The following SEC31B variants were observed in gnomAD, a reference collection of about 807,000 sequenced individuals.
The protein encoded by SEC31B is SEC31 homolog B, COPII component.
A neutral mutation model predicts 135.0 loss-of-function variants in SEC31B; 113 were observed. The ratio of observed to expected loss-of-function variants is 0.84; its 90% confidence interval spans 0.72 to 0.98. The LOEUF is 0.98. Ranked by LOEUF, SEC31B falls within the 50% of genes least tolerant of loss-of-function variation. SEC31B has a pLI of 0.00. For synonymous variants in SEC31B, 508 were observed against 549.4 expected (o/e 0.92, Z 1.05); for missense variants, 1,296 against 1,421.1 (o/e 0.91, Z 1.42).
intron 23 of SEC31B, 45 bp from the exon 24 acceptor site, chr10:100,489,019 C>A: frequency 6.4e-7 from 1 of 1,561,994 alleles, no homozygotes; most frequent in East Asian, 2.3e-5. Flanking sequence ...GGCAAGCTGT[C>A]CTTCTCATGG....
At chr10:100,502,895 A>G (rs148040779) in intron 10 of SEC31B, among the ~76,000 whole-genome samples, 32 of 152,276 alleles carry the variant, frequency 2.1e-4, no homozygotes, top group Non-Finnish European at 4.0e-4. Context: ...CAGTACCCCC[A>G]GATTACTAAA....
At position 100,496,434 on chromosome 10, in the gene SEC31B, G is replaced by A. The variant is rs757171324; in HGVS notation, c.2137-3C>T. 3 of 1,614,056 alleles carry A rather than the reference G, an allele frequency of 1.9e-6. No individual in the cohort carries two copies. The highest frequency in any genetic ancestry group is 2.2e-5 in the East Asian group (1 of 44,874). ...ACCATCACCTTCTCCATCAGGTCCT[G>A]TAAGGGCAAGGATGAGGGTGGTAAG... On this transcript the variant is annotated splice_polypyrimidine_tract_variant and splice_region_variant and intron_variant, in intron 17 of 25. Transcript: ENST00000370345.
chr10:100,515,413 T>C (rs1223112953), intron 3 of SEC31B, among the ~76,000 whole-genome samples: 2 of 152,232 alleles, frequency 1.3e-5, no homozygotes, highest in Admixed American at 6.5e-5. Flanking sequence ...TTGCTTCAGA[T>C]TGTAAGCCTC....
At chr10:100,507,357 T>G in intron 7 of SEC31B, 68 bp downstream of exon 7, 5 of 1,593,098 alleles carry the variant, frequency 3.1e-6, no homozygotes, top group Admixed American at 3.3e-5. Context: ...GAGGGATACA[T>G]TGCCTCCTAC....
At chr10:100,496,875 T>C (rs900749621) in intron 17 of SEC31B, among the ~76,000 whole-genome samples, 10 of 152,184 alleles carry the variant, frequency 6.6e-5, no homozygotes, top group Non-Finnish European at 1.2e-4. Context: ...AAGCCACAAT[T>C]ACTCAAGTAC....
chr10:100,499,666 G>A (rs1022841342), intron 11 of SEC31B, 68 bp from the exon 12 acceptor site: 3 of 1,199,502 alleles, frequency 2.5e-6, no homozygotes, highest in African/African-American at 1.5e-5. Flanking sequence ...CCTACAACAA[G>A]CTGGGTATCT....
chr10:100,505,989 C>G, intron 9 of SEC31B, 51 bp downstream of exon 9: 2 of 1,609,010 alleles, frequency 1.2e-6, no homozygotes, highest in Non-Finnish European at 1.7e-6. Context: ...CTCTCTCCCA[C>G]AAACAGAGAC....
At position 100,487,581 on chromosome 10, in the gene SEC31B, C is replaced by G. The variant is rs1207114459; in HGVS notation, c.*35G>C. ...TCTGCAGGGAGGAGTTATGTAACAG[C>G]AGAAGTGGCCTCCTAGCAAGAGAGG... On this transcript the variant is annotated 3_prime_UTR_variant, in exon 26 of 26. Transcript: ENST00000370345. The G allele has an allele frequency of 1.3e-6, 2 of 1,586,950 alleles. No homozygotes were observed. The highest frequency in any genetic ancestry group is 2.7e-5 in the African/African-American group (2 of 74,472).
chr10:100,487,623 A>G lies in SEC31B; in HGVS notation c.3533T>C (p.Leu1178Pro), dbSNP rs1459071086. The G allele has an allele frequency of 6.2e-7, 1 of 1,612,494 alleles. No individual in the cohort carries two copies. The highest frequency in any genetic ancestry group is 8.5e-7 in the Non-Finnish European group (1 of 1,179,436). Residue 1178 changes from leucine (L) to proline (P), a missense_variant, in exon 26 of 26, where the codon CTG becomes CCG. Coordinates refer to ENST00000370345, the MANE Select transcript of SEC31B (RefSeq NM_015490.4). Reference sequence around the variant, plus strand: ...CAAGAGAGGCTGCCTGGTTTAGACCAGCAGCTTATGAGCGATGATGAGGAC... The same window carrying G: ...CAAGAGAGGCTGCCTGGTTTAGACCGGCAGCTTATGAGCGATGATGAGGAC... ...KAVLIIAHKL[L>P]V
intron 3 of SEC31B, 60 bp downstream of exon 3, chr10:100,516,036 T>C: frequency 6.3e-7 from 1 of 1,581,104 alleles, no homozygotes; most frequent in Middle Eastern, 1.7e-4. Flanking sequence ...AAACACACAC[T>C]GCTCCCAGGA....
At chr10:100,499,034 G>A in intron 13 of SEC31B, 126 bp downstream of exon 13, 1 of 780,244 alleles carries the variant, frequency 1.3e-6, no homozygotes, top group South Asian at 1.6e-5. Context: ...AGAGTGAGGA[G>A]TCTGAAGACT....
At position 100,507,288 on chromosome 10, in the gene SEC31B, G is replaced by GTGAC. The variant is rs955585622; in HGVS notation, c.782+133_782+136dup. ...TGGTTAAGGCTGGAGTAGGTATTGG[G>GTGAC]TGACTATATGTTGACCGGAATGGCT... On this transcript the variant is annotated intron_variant, in intron 7 of 25. Transcript: ENST00000370345. The GTGAC allele has an allele frequency of 2.3e-5, 24 of 1,045,996 alleles. No homozygotes were observed. The African/African-American group carries it at 2.5e-4, about 11-fold the overall frequency. The allele number at this position is 1,045,996 out of a possible 1,614,324, so 64.8% of individuals were successfully genotyped here. A position where few individuals can be genotyped will look rare whatever the true frequency, so the allele number is the denominator to read the frequency against.
At chr10:100,514,614 A>G (rs1437303451) in intron 3 of SEC31B, among the ~76,000 whole-genome samples, 1 of 152,090 alleles carries the variant, frequency 6.6e-6, no homozygotes, top group Non-Finnish European at 1.5e-5. Flanking sequence ...CAGGAGCTCA[A>G]GAAAGGGAAA....
At chr10:100,497,599 C>G in intron 16 of SEC31B, 68 bp downstream of exon 16, 3 of 1,610,748 alleles carry the variant, frequency 1.9e-6, no homozygotes, top group Non-Finnish European at 2.5e-6. Context: ...CACCTCCCTC[C>G]TGCATGCATC....
At chr10:100,497,630 C>G in intron 16 of SEC31B, 37 bp downstream of exon 16, 1 of 1,614,010 alleles carries the variant, frequency 6.2e-7, no homozygotes, top group Non-Finnish European at 8.5e-7. Flanking sequence ...ATGCTGGAGT[C>G]ACACCATTTC....
intron 1 of SEC31B, among the ~76,000 whole-genome samples, chr10:100,518,457 A>G (rs1851888380): frequency 6.6e-6 from 1 of 152,168 alleles, no homozygotes; most frequent in Non-Finnish European, 1.5e-5. Context: ...ATATTTATTT[A>G]TATTGACATT....
intron 5 of SEC31B, 127 bp downstream of exon 5, chr10:100,508,880 G>A: frequency 1.4e-6 from 1 of 710,756 alleles, no homozygotes; most frequent in South Asian, 1.8e-5. Context: ...TTAGTCTGTG[G>A]AGCTTTATTG....
chr10:100,516,315 G>A, intron 2 of SEC31B, 96 bp from the exon 3 acceptor site: 1 of 1,396,528 alleles, frequency 7.2e-7, no homozygotes, highest in South Asian at 1.3e-5. Context: ...AACAGAAGAG[G>A]GCTGGGTATA....
chr10:100,513,946 A>G (rs1417340004), intron 3 of SEC31B, among the ~76,000 whole-genome samples: 1 of 151,872 alleles, frequency 6.6e-6, no homozygotes, highest in African/African-American at 2.4e-5. Flanking sequence ...GCACTTTGGG[A>G]GGCCGAGGTG....
Sources: gnomAD v4.1 joint callset for allele counts (sites outside exome capture counted in the v4.1 genomes callset) on GRCh38, gnomAD v4.1.1 for gene constraint, MANE v1.5 for transcripts, NCBI Gene and HGNC (gene_info 2026-07-23, HGNC 2026-07-21) for gene names.